REEP3: variants seen among roughly 807,000 people sequenced by gnomAD.
The protein encoded by REEP3 is receptor accessory protein 3.
In REEP3, 20 loss-of-function variants were observed where a neutral mutation model predicts 41.3. That is an observed-to-expected ratio of 0.48 (90% CI 0.34 to 0.70). The LOEUF is 0.70. Among genes scored for constraint, REEP3 ranks in the 30% least tolerant of loss-of-function variants. The pLI, the probability that REEP3 is intolerant of heterozygous loss-of-function variation, is 0.01. For synonymous variants in REEP3, 104 were observed against 101.8 expected (o/e 1.02, Z -0.13); for missense variants, 271 against 308.8 (o/e 0.88, Z 0.92).
At chr10:63,576,850 T>A (rs1266060300) in intron 2 of REEP3, among the ~76,000 whole-genome samples, 2 of 152,176 alleles carry the variant, frequency 1.3e-5, no homozygotes, top group Admixed American at 6.5e-5. Context: ...TATTCCTCTT[T>A]TTCCTTTTCA....
At chr10:63,584,720 T>TA (rs970449632) in intron 2 of REEP3, among the ~76,000 whole-genome samples, 1 of 152,194 alleles carries the variant, frequency 6.6e-6, no homozygotes, top group Non-Finnish European at 1.5e-5. Flanking sequence ...ATACTGTCTC[T>TA]AAAAAAATCT....
chr10:63,549,804 G>C (rs976663790), intron 1 of REEP3, among the ~76,000 whole-genome samples: 1 of 152,168 alleles, frequency 6.6e-6, no homozygotes, highest in Non-Finnish European at 1.5e-5. Flanking sequence ...AATGATCCAC[G>C]TGGGGAAGAG....
chr10:63,542,097 T>C (rs1589860086), intron 1 of REEP3, among the ~76,000 whole-genome samples: 1 of 151,540 alleles, frequency 6.6e-6, no homozygotes, highest in East Asian at 1.9e-4. Flanking sequence ...TTTTTTTTTT[T>C]GAGACAGAGT....
At chr10:63,561,310 C>T (rs1340134801) in intron 1 of REEP3, among the ~76,000 whole-genome samples, 6 of 151,694 alleles carry the variant, frequency 4.0e-5, no homozygotes, top group Non-Finnish European at 8.8e-5. Flanking sequence ...TGCAAAATAG[C>T]GGTAATTTAG....
intron 6 of REEP3, among the ~76,000 whole-genome samples, chr10:63,615,597 G>A (rs1214876414): frequency 6.6e-6 from 1 of 150,616 alleles, no homozygotes; most frequent in Non-Finnish European, 1.5e-5. Context: ...CCAGGCTGGA[G>A]TGCAGTGGCG....
At chr10:63,562,042 C>G (rs1034698504) in intron 1 of REEP3, among the ~76,000 whole-genome samples, 2 of 152,044 alleles carry the variant, frequency 1.3e-5, no homozygotes, top group Admixed American at 6.6e-5. Context: ...CACAGCAGAT[C>G]TGGGAATTGT....
At chr10:63,581,380 A>G (rs1287165552) in intron 2 of REEP3, among the ~76,000 whole-genome samples, 2 of 152,230 alleles carry the variant, frequency 1.3e-5, no homozygotes. Context: ...AAAATGATAA[A>G]GTTTTTTTGA....
intron 1 of REEP3, among the ~76,000 whole-genome samples, chr10:63,545,032 T>C (rs1955564262): frequency 6.6e-6 from 1 of 152,214 alleles, no homozygotes; most frequent in Non-Finnish European, 1.5e-5. Context: ...GGGTATTTAT[T>C]GTGATTAGAT....
At chr10:63,536,087 CACAGGT>C (rs1955471425) in intron 1 of REEP3, among the ~76,000 whole-genome samples, 1 of 152,210 alleles carries the variant, frequency 6.6e-6, no homozygotes, top group Non-Finnish European at 1.5e-5. Context: ...ATCTTCATGA[CACAGGT>C]ACTGCTGTTA....
intron 5 of REEP3, among the ~76,000 whole-genome samples, chr10:63,601,623 T>C (rs1008167586): frequency 9.9e-5 from 15 of 152,024 alleles, no homozygotes; most frequent in African/African-American, 3.6e-4. Flanking sequence ...GGGATGATAC[T>C]AAAACCAGTG....
chr10:63,539,590 C>T (rs1003209338), intron 1 of REEP3, among the ~76,000 whole-genome samples: 2 of 151,974 alleles, frequency 1.3e-5, no homozygotes, highest in African/African-American at 4.8e-5. Context: ...CCTAGCAGTT[C>T]GAGATCAGCC....
chr10:63,601,837 C>G (rs1027664509), intron 5 of REEP3, among the ~76,000 whole-genome samples: 1 of 152,104 alleles, frequency 6.6e-6, no homozygotes, highest in African/African-American at 2.4e-5. Flanking sequence ...AGGAGAATCG[C>G]TTGAACCTGG....
intron 1 of REEP3, among the ~76,000 whole-genome samples, chr10:63,552,249 A>C (rs1955635804): frequency 8.0e-5 from 5 of 62,180 alleles, no homozygotes; most frequent in Admixed American, 6.0e-4. Context: ...CTAAAAATAC[A>C]AAAAAAAAAA....
chr10:63,583,982 A>G (rs533043248), intron 2 of REEP3, among the ~76,000 whole-genome samples: 3 of 152,218 alleles, frequency 2.0e-5, no homozygotes, highest in African/African-American at 7.2e-5. Flanking sequence ...ATTATCATCT[A>G]ATTTTTTAAC....
intron 2 of REEP3, among the ~76,000 whole-genome samples, chr10:63,586,839 T>C (rs1212211876): frequency 6.6e-6 from 1 of 152,148 alleles, no homozygotes; most frequent in African/African-American, 2.4e-5. Context: ...GCTTATTAAT[T>C]CTTTTAATAA....
chr10:63,594,666 A>G (rs1956096982), intron 2 of REEP3, 112 bp from the exon 3 acceptor site: 5 of 720,714 alleles, frequency 6.9e-6, no homozygotes, highest in South Asian at 3.4e-5. Context: ...CCAGAAATAC[A>G]TACATAATAT....
At chr10:63,586,609 T>G (rs1956009274) in intron 2 of REEP3, among the ~76,000 whole-genome samples, 1 of 152,178 alleles carries the variant, frequency 6.6e-6, no homozygotes, top group Non-Finnish European at 1.5e-5. Context: ...CAAGAGAAGT[T>G]TATTACCAAA....
rs1956377731 is a variant in REEP3, at chr10:63,624,112, T to A, written c.*3243T>A. ...TTGTATTAATTGGGATGGACTAAAT[T>A]TTCATTTGATTATCAGGAAAATTAA... On this transcript the variant is annotated 3_prime_UTR_variant, in exon 8 of 8. Transcript: ENST00000373758. 4 of 152,134 alleles carry A rather than the reference T, an allele frequency of 2.6e-5. No homozygotes were observed. Among genetic ancestry groups the A allele is most frequent in the Admixed American group, 2.0e-4 (3 of 15,268 alleles). The allele number at this position is 152,134 out of a possible 1,614,324, so 9.4% of individuals were successfully genotyped here. A position where few individuals can be genotyped will look rare whatever the true frequency, so the allele number is the denominator to read the frequency against.
At chr10:63,536,594 C>T (rs571376281) in intron 1 of REEP3, among the ~76,000 whole-genome samples, 1 of 152,126 alleles carries the variant, frequency 6.6e-6, no homozygotes, top group African/African-American at 2.4e-5. Flanking sequence ...AAAACGTCAA[C>T]AGTTACATTG....
Sources: gnomAD v4.1 joint callset for allele counts (sites outside exome capture counted in the v4.1 genomes callset) on GRCh38, gnomAD v4.1.1 for gene constraint, MANE v1.5 for transcripts, NCBI Gene and HGNC (gene_info 2026-07-23, HGNC 2026-07-21) for gene names.